ACYP2: variants seen among roughly 807,000 people sequenced by gnomAD.
ACYP2 encodes the protein acylphosphatase 2.
A neutral mutation model predicts 11.2 loss-of-function variants in ACYP2; 12 were observed. That is an observed-to-expected ratio of 1.08 (90% CI 0.69 to 1.74). The LOEUF is 1.74. ACYP2 is among the 40% of genes most tolerant of loss of function. The probability of loss-of-function intolerance (pLI) is 0.00; values close to 1 mark genes in which losing one functional copy is unlikely to be tolerated. For synonymous variants in ACYP2, 43 were observed against 32.2 expected (o/e 1.33, Z -1.13); for missense variants, 134 against 101.9 (o/e 1.31, Z -1.35).
At chr2:54,229,756 T>C (rs554376532) in intron 6 of ACYP2, among the ~76,000 whole-genome samples, 3 of 152,244 alleles carry the variant, frequency 2.0e-5, no homozygotes, top group Non-Finnish European at 2.9e-5. Context: ...TTGTAAATAC[T>C]GTTAAGAGTC....
chr2:54,112,738 G>A (rs546084605), intron 4 of ACYP2, among the ~76,000 whole-genome samples: 12 of 152,260 alleles, frequency 7.9e-5, no homozygotes, highest in South Asian at 2.1e-4. Flanking sequence ...AAACATTTGC[G>A]TACATTTTCT....
intron 6 of ACYP2, chr2:54,255,127 C>T (rs778964093): frequency 4.3e-6 from 7 of 1,614,176 alleles, no homozygotes; most frequent in Non-Finnish European, 5.9e-6. Context: ...ATGTCGGTTC[C>T]TATGAATGAA....
intron 4 of ACYP2, 78 bp downstream of exon 1, chr2:54,115,834 C>T (rs1319974132): frequency 7.1e-6 from 10 of 1,417,032 alleles, no homozygotes; most frequent in African/African-American, 1.5e-5. Context: ...CGCCTCCCAC[C>T]TAAAGTATGC....
intron 2 of ACYP2, among the ~76,000 whole-genome samples, chr2:54,037,746 A>T (rs1200264200): frequency 6.6e-6 from 1 of 152,246 alleles, no homozygotes; most frequent in Non-Finnish European, 1.5e-5. Flanking sequence ...AAGTGAATAA[A>T]ATATATAGTA....
chr2:54,007,289 C>G (rs1285959720), intron 2 of ACYP2, among the ~76,000 whole-genome samples: 1 of 136,466 alleles, frequency 7.3e-6, no homozygotes, highest in Non-Finnish European at 1.5e-5. Context: ...GAGTCTCGCT[C>G]TGTCACCAGA....
At chr2:54,035,820 T>C (rs1353422249) in intron 2 of ACYP2, among the ~76,000 whole-genome samples, 1 of 152,184 alleles carries the variant, frequency 6.6e-6, no homozygotes, top group African/African-American at 2.4e-5. Context: ...AGAAGTACCT[T>C]CTAAGGACTT....
intron 2 of ACYP2, among the ~76,000 whole-genome samples, chr2:54,003,829 G>A (rs78980829): frequency 0.015 from 2,231 of 152,228 alleles, 53 homozygotes; most frequent in African/African-American, 0.049. Flanking sequence ...CTTCCAAAGC[G>A]CCTATGCCAT....
intron 2 of ACYP2, among the ~76,000 whole-genome samples, chr2:54,037,076 G>T (rs1046367624): frequency 1.3e-5 from 2 of 152,154 alleles, no homozygotes; most frequent in Non-Finnish European, 2.9e-5. Context: ...TTAATGTAGA[G>T]AAAAACTCCT....
At chr2:54,116,303 T>C (rs1238627194) in intron 4 of ACYP2, among the ~76,000 whole-genome samples, 2 of 152,214 alleles carry the variant, frequency 1.3e-5, no homozygotes, top group Non-Finnish European at 2.9e-5. Flanking sequence ...GTTGAAAATA[T>C]TGATATTTAT....
At chr2:54,213,988 G>A (rs1312564114) in intron 6 of ACYP2, among the ~76,000 whole-genome samples, 2 of 151,922 alleles carry the variant, frequency 1.3e-5, no homozygotes, top group Non-Finnish European at 2.9e-5. Context: ...TTGAACTCCT[G>A]GACTCAAGCA....
At chr2:54,201,661 T>TCTTC (rs1368674499) in intron 6 of ACYP2, among the ~76,000 whole-genome samples, 1 of 95,410 alleles carries the variant, frequency 1.0e-5, no homozygotes, top group Non-Finnish European at 2.2e-5. Flanking sequence ...TTTCTTTCTT[T>TCTTC]CTTTCTTTCT....
intron 6 of ACYP2, among the ~76,000 whole-genome samples, chr2:54,154,238 C>G (rs546957638): frequency 5.3e-5 from 8 of 152,116 alleles, no homozygotes; most frequent in Non-Finnish European, 7.4e-5. Context: ...CAAACAGTGA[C>G]AATTTTAAGT....
At chr2:53,990,652 C>CAAAAAAAAAA (rs80058534) in intron 2 of ACYP2, among the ~76,000 whole-genome samples, 4 of 49,492 alleles carry the variant, frequency 8.1e-5, no homozygotes, top group Non-Finnish European at 1.8e-4. Flanking sequence ...TCCGTCTTAC[C>CAAAAAAAAAA]AAAAAAAAAA....
At chr2:54,237,456 C>T (rs1000635393) in intron 6 of ACYP2, among the ~76,000 whole-genome samples, 6 of 152,208 alleles carry the variant, frequency 3.9e-5, no homozygotes, top group South Asian at 2.1e-4. Flanking sequence ...GTTAGACTAT[C>T]GATACAAATT....
At chr2:54,029,029 G>A (rs1674443031) in intron 2 of ACYP2, among the ~76,000 whole-genome samples, 1 of 152,066 alleles carries the variant, frequency 6.6e-6, no homozygotes, top group Non-Finnish European at 1.5e-5. Flanking sequence ...GCCAGGTATG[G>A]TGGTGTTGCC....
At chr2:54,162,140 T>C in intron 6 of ACYP2, among the ~76,000 whole-genome samples, 1 of 152,208 alleles carries the variant, frequency 6.6e-6, no homozygotes, top group Admixed American at 6.5e-5. Context: ...TATCTCACAG[T>C]ATTTAACGAA....
At chr2:54,254,817 A>G (rs1687414807) in intron 6 of ACYP2, 2 of 1,205,002 alleles carry the variant, frequency 1.7e-6, no homozygotes, top group Non-Finnish European at 2.3e-6. Flanking sequence ...CAGGAAAGTC[A>G]GAACAAAAAA....
intron 6 of ACYP2, among the ~76,000 whole-genome samples, chr2:54,257,588 G>C (rs970756369): frequency 1.3e-5 from 2 of 151,882 alleles, no homozygotes; most frequent in African/African-American, 4.8e-5. Context: ...TTAGGCCAAA[G>C]GACATAGAGA....
intron 4 of ACYP2, among the ~76,000 whole-genome samples, chr2:54,080,716 G>A (rs1292463468): frequency 6.6e-6 from 1 of 151,908 alleles, no homozygotes; most frequent in African/African-American, 2.4e-5. Context: ...CTCAACTCCT[G>A]ACCTCAGGTG....
Sources: allele counts gnomAD v4.1 joint callset (sites outside exome capture counted in the v4.1 genomes callset), GRCh38; gene constraint gnomAD v4.1.1; transcripts MANE v1.5; gene names NCBI Gene and HGNC (gene_info 2026-07-23, HGNC 2026-07-21).